The following ESRRG variants were observed in gnomAD, a reference collection of about 807,000 sequenced individuals.
ESRRG encodes the protein estrogen-related receptor gamma.
In ESRRG, 13 loss-of-function variants were observed where a neutral mutation model predicts 44.0. The observed-to-expected ratio is 0.30, with a 90% CI of 0.19 to 0.47. ESRRG has a LOEUF of 0.47. Among genes scored for constraint, ESRRG ranks in the 20% least tolerant of loss-of-function variants. The pLI, the probability that ESRRG is intolerant of heterozygous loss-of-function variation, is 1.00. For missense variants in ESRRG, 395 were observed against 580.6 expected, an observed-to-expected ratio of 0.68 and a Z score of 3.29; for synonymous variants, 215 against 214.6, an observed-to-expected ratio of 1.00 and a Z score of -0.02.
intron 2 of ESRRG, among the ~76,000 whole-genome samples, chr1:216,659,850 A>G (rs922531201): frequency 7.2e-5 from 11 of 152,110 alleles, no homozygotes; most frequent in Non-Finnish European, 1.5e-4. Context: ...TCCCAACTGT[A>G]TATTCTTTGA....
chr1:216,779,409 A>C (rs1327479387), intron 2 of ESRRG, among the ~76,000 whole-genome samples: 1 of 57,828 alleles, frequency 1.7e-5, no homozygotes. Context: ...TAAATATTAT[A>C]AAATAAATAT....
At chr1:216,952,187 G>A (rs2067083973) in intron 1 of ESRRG, among the ~76,000 whole-genome samples, 1 of 151,998 alleles carries the variant, frequency 6.6e-6, no homozygotes, top group Non-Finnish European at 1.5e-5. Flanking sequence ...TGCTGATTTG[G>A]GGCTCAGAAC....
At chr1:216,939,365 A>AAAAAAAAAAAAAC (rs1560189110) in intron 2 of ESRRG, among the ~76,000 whole-genome samples, 3 of 139,698 alleles carry the variant, frequency 2.1e-5, no homozygotes, top group African/African-American at 8.9e-5. Flanking sequence ...AAAAAAAAAA[A>AAAAAAAAAAAAAC]AAAAACACTT....
intron 2 of ESRRG, among the ~76,000 whole-genome samples, chr1:216,854,132 G>A (rs907883928): frequency 1.3e-5 from 2 of 151,980 alleles, no homozygotes; most frequent in Non-Finnish European, 2.9e-5. Flanking sequence ...GCTGAAGCGG[G>A]TGGATCATGA....
In ESRRG at chr1:217,108,096, A is replaced by G. The variant is rs140829623; in HGVS notation, c.-230+29571T>C. Among the ~76,000 whole-genome samples the G allele has an allele frequency of 2.0e-5, 3 of 152,268 alleles. No homozygotes were observed. In the East Asian group the frequency reaches 5.8e-4, roughly 29 times the overall value. ...ATTAAAGTCTCTACCCAGTTTTCCA[A>G]AAATTCTTCCTGCTTTTTCTCCTAA... On this transcript the variant is annotated intron_variant, in intron 1 of 8. Coordinates refer to the ESRRG transcript ENST00000366940.
At chr1:217,018,326 C>T (rs1240794759) in intron 1 of ESRRG, among the ~76,000 whole-genome samples, 1 of 152,138 alleles carries the variant, frequency 6.6e-6, no homozygotes, top group Non-Finnish European at 1.5e-5. Context: ...AATATGATGA[C>T]AGTCTCCTAG....
At chr1:216,539,485 C>T (rs1163785538) in intron 5 of ESRRG, among the ~76,000 whole-genome samples, 1 of 151,934 alleles carries the variant, frequency 6.6e-6, no homozygotes, top group African/African-American at 2.4e-5. Context: ...CCTCCCTGAC[C>T]CTCGGTTCAT....
chr1:216,568,172 T>A (rs766767657), intron 3 of ESRRG, 74 bp from the exon 4 acceptor site: 2 of 1,015,650 alleles, frequency 2.0e-6, no homozygotes, highest in Admixed American at 1.7e-5. Flanking sequence ...CTAGATGGTA[T>A]CCCCCAAGAG....
intron 1 of ESRRG, among the ~76,000 whole-genome samples, chr1:217,014,768 C>G (rs1560475177): frequency 2.6e-5 from 4 of 152,128 alleles, no homozygotes; most frequent in African/African-American, 9.7e-5. Flanking sequence ...TATAAGTTAT[C>G]TTAGACTTAA....
intron 1 of ESRRG, among the ~76,000 whole-genome samples, chr1:216,977,357 C>CAA (rs1359090690): frequency 2.8e-4 from 43 of 151,684 alleles, no homozygotes; most frequent in Non-Finnish European, 4.0e-4. Context: ...CACACACACA[C>CAA]ACACACACAC....
chr1:216,950,325 A>T (rs867302145), intron 1 of ESRRG, among the ~76,000 whole-genome samples: 8 of 152,296 alleles, frequency 5.3e-5, no homozygotes, highest in African/African-American at 1.7e-4. Flanking sequence ...AGACTTTACA[A>T]TGTAAAGTAG....
At chr1:216,699,022 A>AGGCTGAG (rs1372611223) in intron 1 of ESRRG, among the ~76,000 whole-genome samples, 4 of 152,308 alleles carry the variant, frequency 2.6e-5, no homozygotes, top group Admixed American at 2.0e-4. Flanking sequence ...GAACCTCACG[A>AGGCTGAG]GGCTGAGGGC....
intron 1 of ESRRG, among the ~76,000 whole-genome samples, chr1:216,964,546 T>C (rs2069825122): frequency 6.6e-6 from 1 of 152,114 alleles, no homozygotes. Context: ...ATGCATTTCC[T>C]AAAATGGAAT....
At chr1:216,576,391 A>G (rs1201588101) in intron 3 of ESRRG, among the ~76,000 whole-genome samples, 1 of 151,144 alleles carries the variant, frequency 6.6e-6, no homozygotes, top group Non-Finnish European at 1.5e-5. Context: ...AAAAGCCATG[A>G]CTCACATTAA....
intron 1 of ESRRG, among the ~76,000 whole-genome samples, chr1:216,956,542 T>G (rs1370585703): frequency 6.6e-6 from 1 of 152,236 alleles, no homozygotes; most frequent in Non-Finnish European, 1.5e-5. Flanking sequence ...GGTAGTGTGA[T>G]GCCTCCAGCT....
At chr1:217,105,383 C>T (rs901466386) in intron 1 of ESRRG, among the ~76,000 whole-genome samples, 15 of 152,170 alleles carry the variant, frequency 9.9e-5, no homozygotes, top group African/African-American at 3.4e-4. Flanking sequence ...TTCTAATAGA[C>T]TTTGTAGAGG....
At chr1:216,886,783 G>T (rs935191792) in intron 2 of ESRRG, among the ~76,000 whole-genome samples, 1 of 152,112 alleles carries the variant, frequency 6.6e-6, no homozygotes, top group East Asian at 1.9e-4. Context: ...GAGTGGAGTG[G>T]CATGATCTCT....
chr1:216,535,054 G>C (rs1419500576), intron 5 of ESRRG, among the ~76,000 whole-genome samples: 1 of 152,112 alleles, frequency 6.6e-6, no homozygotes, highest in African/African-American at 2.4e-5. Flanking sequence ...CAGAGAGTTA[G>C]GGTGTATGGG....
chr1:216,778,308 A>G lies in ESRRG; in HGVS notation c.-13-100817T>C, dbSNP rs1364422832. On this transcript the variant is annotated intron_variant, in intron 2 of 7. Transcript: ENST00000359162. Reference sequence around the variant, plus strand: ...CAGAGTTGTCCTTACTTGAGACAAGAGAGCTGGTCCTTTGTACCTCTACTT... The same window carrying G: ...CAGAGTTGTCCTTACTTGAGACAAGGGAGCTGGTCCTTTGTACCTCTACTT... Among the ~76,000 whole-genome samples the G allele has an allele frequency of 3.3e-5, 5 of 152,088 alleles. No homozygotes were observed. In the East Asian group the frequency reaches 9.7e-4, roughly 29 times the overall value.
Sources: allele counts gnomAD v4.1 joint callset (sites outside exome capture counted in the v4.1 genomes callset), GRCh38; gene constraint gnomAD v4.1.1; transcripts MANE v1.5; gene names NCBI Gene and HGNC (gene_info 2026-07-23, HGNC 2026-07-21).